Variants in DOCK8 observed in about 807,000 individuals in gnomAD.
DOCK8 encodes the protein dedicator of cytokinesis 8.
DOCK8 carries 141 observed loss-of-function variants against 245.6 expected under a neutral mutation model. The ratio of observed to expected loss-of-function variants is 0.57; its 90% CI spans 0.50 to 0.66. The LOEUF (loss-of-function observed/expected upper bound fraction) is 0.66. Ranked by LOEUF, DOCK8 falls within the 30% of genes least tolerant of loss-of-function variation. The probability of loss-of-function intolerance (pLI) is 0.00; values close to 1 mark genes in which losing one functional copy is unlikely to be tolerated. For missense variants in DOCK8, 2,965 were observed against 2,603.4 expected, an observed-to-expected ratio of 1.14 and a Z score of -3.02; for synonymous variants, 1,168 against 970.2, an observed-to-expected ratio of 1.20 and a Z score of -3.79.
chr9:419,351 T>C (rs2056176858), intron 30 of DOCK8, among the ~76,000 whole-genome samples: 2 of 152,176 alleles, frequency 1.3e-5, no homozygotes, highest in Non-Finnish European at 1.5e-5. Context: ...ATCACCGATC[T>C]TACTGTTGGA....
At chr9:454,921 G>T (rs1355588844) in intron 46 of DOCK8, among the ~76,000 whole-genome samples, 1 of 152,164 alleles carries the variant, frequency 6.6e-6, no homozygotes, top group African/African-American at 2.4e-5. Flanking sequence ...AGATACAAGA[G>T]GAAATGGACT....
chr9:225,870 A>T (rs79504213), intron 1 of DOCK8, among the ~76,000 whole-genome samples: 2 of 152,140 alleles, frequency 1.3e-5, no homozygotes, highest in African/African-American at 4.8e-5. Context: ...GACGAAGCAC[A>T]TGACTGAGGC....
At chr9:374,943 A>G (rs1445415576) in intron 18 of DOCK8, among the ~76,000 whole-genome samples, 1 of 152,050 alleles carries the variant, frequency 6.6e-6, no homozygotes, top group Non-Finnish European at 1.5e-5. Flanking sequence ...CACTCTGGAG[A>G]TTGTCTCTTC....
At chr9:347,436 G>A (rs1172012542) in intron 14 of DOCK8, among the ~76,000 whole-genome samples, 1 of 152,142 alleles carries the variant, frequency 6.6e-6, no homozygotes, top group Non-Finnish European at 1.5e-5. Flanking sequence ...AGCCAGGAAG[G>A]TCGAGGCTAC....
intron 20 of DOCK8, among the ~76,000 whole-genome samples, chr9:378,567 A>G (rs2053611022): frequency 6.6e-6 from 1 of 152,222 alleles, no homozygotes; most frequent in African/African-American, 2.4e-5. Context: ...CTCCAGCTAG[A>G]TTCTTGCAGA....
upstream of DOCK8, chr9:214,674 C>T (rs751294659): frequency 2.5e-6 from 4 of 1,592,816 alleles, no homozygotes; most frequent in South Asian, 1.1e-5. Context: ...GGTCGGCGGC[C>T]CCGGGCAGAG....
chr9:373,348 A>C (rs745907139), intron 18 of DOCK8, among the ~76,000 whole-genome samples: 1 of 152,122 alleles, frequency 6.6e-6, no homozygotes, highest in Non-Finnish European at 1.5e-5. Flanking sequence ...AAGATAAGGG[A>C]TTTGTTTTTA....
intron 42 of DOCK8, 148 bp from the exon 43 acceptor site, chr9:443,279 A>G: frequency 1.3e-6 from 1 of 755,920 alleles, no homozygotes; most frequent in Non-Finnish European, 2.3e-6. Context: ...GAAATGCTGA[A>G]CTTTGCTCAT....
At chr9:279,814 A>T (rs1196193420) in intron 2 of DOCK8, among the ~76,000 whole-genome samples, 1 of 152,206 alleles carries the variant, frequency 6.6e-6, no homozygotes, top group South Asian at 2.1e-4. Flanking sequence ...TGGAGACATC[A>T]TGCCTCTTCC....
At chr9:325,189 T>TA (rs2050706419) in intron 7 of DOCK8, among the ~76,000 whole-genome samples, 1 of 152,224 alleles carries the variant, frequency 6.6e-6, no homozygotes, top group Non-Finnish European at 1.5e-5. Context: ...AGTGTATAGA[T>TA]ACCACATTTT....
In DOCK8 at chr9:414,946, T is replaced by C; in HGVS notation, c.3695T>C (p.Phe1232Ser). ...ILDALPQLCD[F>S]TVADTRRYRT... Reference sequence around the variant, plus strand: ...GATGCTTTGCCACAGCTCTGTGACTTTACAGGTAATGGCCCTTCTGTTTTC... The same window carrying C: ...GATGCTTTGCCACAGCTCTGTGACTCTACAGGTAATGGCCCTTCTGTTTTC... Residue 1232 changes from phenylalanine to serine, a missense_variant, in exon 29 of 48, where the codon TTT becomes TCT. Around this residue, in one of 3 missense-constraint regions of DOCK8, gnomAD observed 2,825 missense variants for 2,453.5 expected, o/e 1.15. Transcript: ENST00000432829. 1 of 1,613,406 alleles carries C rather than the reference T, an allele frequency of 6.2e-7. No individual in the cohort carries two copies. The highest frequency in any genetic ancestry group is 8.5e-7 in the Non-Finnish European group (1 of 1,179,998).
chr9:219,324 A>G (rs1422861876), intron 1 of DOCK8, among the ~76,000 whole-genome samples: 1 of 152,076 alleles, frequency 6.6e-6, no homozygotes, highest in Non-Finnish European at 1.5e-5. Context: ...TACAAAAATT[A>G]GCCAGGTGTA....
At chr9:377,418 C>T (rs1206375273) in intron 20 of DOCK8, among the ~76,000 whole-genome samples, 1 of 152,090 alleles carries the variant, frequency 6.6e-6, no homozygotes, top group African/African-American at 2.4e-5. Context: ...AAATAGGGTT[C>T]TTAATATTAT....
chr9:413,646 A>T (rs993963219), intron 28 of DOCK8, among the ~76,000 whole-genome samples: 1 of 152,262 alleles, frequency 6.6e-6, no homozygotes, highest in African/African-American at 2.4e-5. Flanking sequence ...TAAGACCATG[A>T]AGATGTTCAG....
intron 2 of DOCK8, among the ~76,000 whole-genome samples, chr9:275,291 C>CT (rs1324718224): frequency 6.6e-6 from 1 of 152,098 alleles, no homozygotes; most frequent in African/African-American, 2.4e-5. Flanking sequence ...CTCTGAAGGG[C>CT]TTTATGATCC....
chr9:327,682 C>T (rs2050825329), intron 8 of DOCK8, among the ~76,000 whole-genome samples: 1 of 152,186 alleles, frequency 6.6e-6, no homozygotes, highest in Admixed American at 6.5e-5. Flanking sequence ...CGAGTGTGAA[C>T]CACCACACCC....
intron 2 of DOCK8, 65 bp from the exon 3 acceptor site, chr9:286,396 T>C: frequency 6.3e-7 from 1 of 1,576,278 alleles, no homozygotes; most frequent in Non-Finnish European, 8.7e-7. Context: ...ACATCTACTA[T>C]TGCCTTTGTG....
chr9:418,016 A>G (rs1241405318), intron 29 of DOCK8, 52 bp from the exon 30 acceptor site: 13 of 1,612,886 alleles, frequency 8.1e-6, no homozygotes, highest in Non-Finnish European at 1.1e-5. Flanking sequence ...GGTAGGGGAC[A>G]TGGGGAAATG....
intron 13 of DOCK8, among the ~76,000 whole-genome samples, chr9:339,616 G>C (rs2051482645): frequency 1.3e-5 from 2 of 152,196 alleles, no homozygotes; most frequent in African/African-American, 4.8e-5. Context: ...CCAGGTTCAA[G>C]TGATTCTCCT....
Sources: allele counts gnomAD v4.1 joint callset (sites outside exome capture counted in the v4.1 genomes callset), GRCh38; gene constraint gnomAD v4.1.1; regional missense constraint gnomAD v4.1.1; transcripts MANE v1.5; gene names NCBI Gene and HGNC (gene_info 2026-07-23, HGNC 2026-07-21).